Variants in CCNB3 observed in about 807,000 individuals in gnomAD.
CCNB3 encodes the protein cyclin B3.
CCNB3 carries 12 observed loss-of-function variants against 68.0 expected under a neutral mutation model. That is an observed-to-expected ratio of 0.18 (90% confidence interval 0.11 to 0.29). The LOEUF is 0.29. Ranked by LOEUF, CCNB3 falls within the 10% of genes least tolerant of loss-of-function variation. CCNB3 has a pLI of 1.00. For synonymous variants in CCNB3, 354 were observed against 388.9 expected (o/e 0.91, Z 1.06); for missense variants, 904 against 993.1 (o/e 0.91, Z 1.21).
rs1355665900 is a variant in CCNB3 at position 50,226,933 on chromosome X, A to C, written c.-113+21983A>C. Among the ~76,000 whole-genome samples, 36 of 60,069 alleles carry C rather than the reference A, an allele frequency of 6.0e-4. 1 individual carries two copies. The highest frequency in any genetic ancestry group is 2.4e-3 in the African/African-American group (33 of 13,800). 52.2% of individuals were successfully genotyped at this position (60,069 alleles called of 115,157 possible). On this transcript the variant is annotated intron_variant, in intron 1 of 12. Transcript: ENST00000376042. ...TATAGTATATATATAGAATATATATAGTATATATATAGAATATATATAGTA... is the reference window on the plus strand; with the variant it reads ...TATAGTATATATATAGAATATATATCGTATATATATAGAATATATATAGTA...
intron 1 of CCNB3, among the ~76,000 whole-genome samples, chrX:50,225,035 A>G (rs1437334993): frequency 8.9e-6 from 1 of 111,864 alleles, no homozygotes; most frequent in African/African-American, 3.2e-5. Flanking sequence ...AGAGCACAAC[A>G]TGTATGGTCC....
At chrX:50,279,507 G>T (rs1232144420) in intron 1 of CCNB3, among the ~76,000 whole-genome samples, 5 of 78,356 alleles carry the variant, frequency 6.4e-5, no homozygotes, top group Admixed American at 1.9e-4. Context: ...ATATATGAAT[G>T]TATTTATTCA....
rs139478498 is a variant in CCNB3 at position 50,310,738 on chromosome X, A to C, written c.2569A>C (p.Lys857Gln). 2,055 of 1,209,392 alleles carry C rather than the reference A, an allele frequency of 1.7e-3. 9 individuals carry two copies. In the Middle Eastern group the frequency reaches 0.033, roughly 19 times the overall value. ...EPSVDTEAHF[K>Q]ETLALQEKPS... ...CAGTGTTGACACAGAAGCTCACTTT[A>C]AGGAAACTTTGGCCTTGCAGGAGAA... The change falls in exon 6 of 13, where the codon AAG becomes CAG. Residue 857 changes from lysine (K) to glutamine (Q), a missense_variant. Physicochemically the swap from Lys to Gln is moderately conservative, Grantham distance 53 (BLOSUM62 1). This residue lies in a region of CCNB3 where 619 missense variants were observed against 609.8 expected (regional missense o/e 1.02). Transcript: ENST00000376042.
intron 9 of CCNB3, among the ~76,000 whole-genome samples, chrX:50,346,039 G>A (rs149830261): frequency 1.8e-5 from 2 of 112,074 alleles, no homozygotes; most frequent in Non-Finnish European, 3.8e-5. Flanking sequence ...GGTGCTCCCT[G>A]GACAGAGGTT....
intron 8 of CCNB3, among the ~76,000 whole-genome samples, chrX:50,336,722 TG>T (rs1922872656): frequency 9.0e-6 from 1 of 111,441 alleles, no homozygotes; most frequent in Non-Finnish European, 1.9e-5. Flanking sequence ...CCATGCCGCA[TG>T]GTACTGTCTT....
chrX:50,335,234 A>G (rs1224494749), intron 8 of CCNB3, among the ~76,000 whole-genome samples: 2 of 111,578 alleles, frequency 1.8e-5, no homozygotes, highest in Non-Finnish European at 3.8e-5. Context: ...GTGACACCTG[A>G]CTCCGGATCT....
chrX:50,212,266 C>T (rs1345387509), intron 1 of CCNB3, among the ~76,000 whole-genome samples: 4 of 111,605 alleles, frequency 3.6e-5, no homozygotes, highest in Non-Finnish European at 7.5e-5. Flanking sequence ...AAATCCTTAA[C>T]GATATTTACA....
chrX:50,296,263 T>C (rs1354617086), intron 5 of CCNB3, among the ~76,000 whole-genome samples: 2 of 94,825 alleles, frequency 2.1e-5, no homozygotes, highest in Admixed American at 2.4e-4. Context: ...TATCTCCTAA[T>C]GCTATCCCTC....
In CCNB3 at chrX:50,309,472, C is replaced by G. The variant is rs1189103204; in HGVS notation, c.1303C>G (p.Pro435Ala). The G allele has an allele frequency of 3.3e-6, 4 of 1,211,283 alleles. No individual in the cohort carries two copies. The highest frequency in any genetic ancestry group is 3.4e-6 in the Non-Finnish European group (3 of 895,273). The change falls in exon 6 of 13, where the codon CCA becomes GCA. Residue 435 changes from proline to alanine, a missense_variant. By Grantham distance (27) the Pro-to-Ala change is conservative (BLOSUM62 -1). Around this residue, in one of 2 missense-constraint regions of CCNB3, gnomAD observed 619 missense variants for 609.8 expected, o/e 1.02. Coordinates refer to ENST00000376042, the MANE Select transcript of CCNB3 (RefSeq NM_033031.3). ...TGAGAAGGAGTCCTTTTCCCAGGAA[C>G]CATCTGCATTGCAAAAGAAGCACAC... The part of the protein sequence containing the change: ...STEKESFSQE[P>A]SALQKKHTTQ...
In CCNB3 at chrX:50,303,782, G is replaced by T. The variant is rs151067317; in HGVS notation, c.336-4723G>T. ...TGCAAATATTTTCATCCATTTTTTG[G>T]GTTATCTTTTCACTTTGTTGATGAT... On this transcript the variant is annotated intron_variant, in intron 5 of 12. Transcript: ENST00000376042. 9.6e-4 allele frequency among the ~76,000 whole-genome samples: 106 copies of T among 110,477 alleles called. 1 individual carries two copies. The highest frequency in any genetic ancestry group is 4.6e-3 in the Middle Eastern group (1 of 217).
intron 11 of CCNB3, among the ~76,000 whole-genome samples, chrX:50,348,459 A>T (rs1305607977): frequency 4.5e-5 from 5 of 111,654 alleles, no homozygotes; most frequent in African/African-American, 1.6e-4. Context: ...AGCTCCTCCT[A>T]CCTAAAAATC....
chrX:50,206,191 C>G (rs781802074), intron 1 of CCNB3, among the ~76,000 whole-genome samples: 1 of 110,494 alleles, frequency 9.1e-6, no homozygotes, highest in Non-Finnish European at 1.9e-5. Context: ...TGCAGTGAGC[C>G]GGGATGGCGC....
intron 1 of CCNB3, among the ~76,000 whole-genome samples, chrX:50,281,189 G>C (rs1936130139): frequency 2.7e-5 from 3 of 111,526 alleles, no homozygotes; most frequent in Admixed American, 9.6e-5. Flanking sequence ...AAAATACCCA[G>C]CTCCACCCCT....
chrX:50,217,953 A>G (rs1213318473), intron 1 of CCNB3, among the ~76,000 whole-genome samples: 5 of 111,843 alleles, frequency 4.5e-5, no homozygotes, highest in African/African-American at 1.6e-4. Flanking sequence ...TAGAAGTAGA[A>G]TCTCTGGGTA....
chrX:50,302,069 C>A (rs1225572368), intron 5 of CCNB3, among the ~76,000 whole-genome samples: 1 of 112,603 alleles, frequency 8.9e-6, no homozygotes, highest in Non-Finnish European at 1.9e-5. Flanking sequence ...ATTCCCTGAC[C>A]CCTTGCACTT....
intron 9 of CCNB3, among the ~76,000 whole-genome samples, chrX:50,345,004 C>A (rs181941558): frequency 1.9e-3 from 213 of 109,704 alleles, no homozygotes; most frequent in African/African-American, 6.1e-3. Context: ...TGGCTCCCTC[C>A]CCAGCTCCTG....
At chrX:50,299,575 G>C (rs1289665373) in intron 5 of CCNB3, among the ~76,000 whole-genome samples, 19 of 111,098 alleles carry the variant, frequency 1.7e-4, no homozygotes, top group Admixed American at 1.4e-3. Flanking sequence ...TTTTGGAATA[G>C]GTGTGGTGTG....
At chrX:50,228,634 CATATAGAATAT>C (rs1248860666) in intron 1 of CCNB3, among the ~76,000 whole-genome samples, 3 of 69,874 alleles carry the variant, frequency 4.3e-5, no homozygotes, top group African/African-American at 5.5e-5. Flanking sequence ...ATAGAATATA[CATATAGAATAT>C]ATATAGAATA....
intron 4 of CCNB3, among the ~76,000 whole-genome samples, chrX:50,289,816 A>G (rs1473786671): frequency 3.6e-5 from 4 of 112,042 alleles, no homozygotes; most frequent in Non-Finnish European, 7.5e-5. Flanking sequence ...ACTTGTATCT[A>G]CTAAATAGTG....
Sources: allele counts gnomAD v4.1 joint callset (sites outside exome capture counted in the v4.1 genomes callset), GRCh38; gene constraint gnomAD v4.1.1; regional missense constraint gnomAD v4.1.1; transcripts MANE v1.5; gene names NCBI Gene and HGNC (gene_info 2026-07-23, HGNC 2026-07-21).